Variants in DLX6 observed in about 807,000 individuals in gnomAD.
DLX6 encodes distal-less homeobox 6, also known as homeobox protein DLX-6.
Under a neutral mutation model 33.5 loss-of-function variants are expected in DLX6, and 4 were observed. The ratio of observed to expected loss-of-function variants is 0.12; its 90% CI spans 0.06 to 0.27. The LOEUF is 0.27. Among genes scored for constraint, DLX6 ranks in the 10% least tolerant of loss-of-function variants. The pLI is 1.00. For missense variants in DLX6, 382 were observed against 393.3 expected, an observed-to-expected ratio of 0.97 and a Z score of 0.24; for synonymous variants, 184 against 164.8, an observed-to-expected ratio of 1.12 and a Z score of -0.89.
chr7:97,010,180 C>G lies in DLX6; in HGVS notation c.*133C>G. On this transcript the variant is annotated 3_prime_UTR_variant, in exon 3 of 3. Coordinates refer to ENST00000518156, the MANE Select transcript of DLX6 (RefSeq NM_005222.4). Reference sequence around the variant, plus strand: ...TAAGTGTGGCAAGAAGCCGACTAGGCTCATTCTCTCTCCCTCTCTCTCTCT... The same window carrying G: ...TAAGTGTGGCAAGAAGCCGACTAGGGTCATTCTCTCTCCCTCTCTCTCTCT... 1.0e-6 allele frequency: 1 copy of G among 993,212 alleles called. No individual in the cohort carries two copies. The highest frequency in any genetic ancestry group is 1.4e-6 in the Non-Finnish European group (1 of 697,426). 61.5% of individuals were successfully genotyped at this position (993,212 alleles called of 1,614,324 possible).
rs370659738 is a variant in DLX6 at position 97,010,029 on chromosome 7, G to A, written c.864G>A (p.Gln288=). The A allele has an allele frequency of 4.4e-6, 7 of 1,597,130 alleles. No individual in the cohort carries two copies. The highest frequency in any genetic ancestry group is 6.0e-6 in the Non-Finnish European group (7 of 1,171,506). Residue 288 remains glutamine, a synonymous_variant, in exon 3 of 3, where the codon CAG becomes CAA. Coordinates refer to ENST00000518156, the MANE Select transcript of DLX6 (RefSeq NM_005222.4). ...CCTCTCCACACCAGGACACGATGCA[G>A]AGACCACAGATGATGTGAGTTGCCC... ...WYSSPHQDTM[Q]RPQMM is the part of the protein sequence containing the mutation.
At chr7:97,007,907 A>C (rs1789773100) in intron 2 of DLX6, 76 bp downstream of exon 2, 15 of 1,406,208 alleles carry the variant, frequency 1.1e-5, no homozygotes, top group Non-Finnish European at 1.4e-5. Flanking sequence ...CATCAGGAGG[A>C]ATTGTTGGCC....
chr7:97,009,340 C>T (rs927347125), intron 2 of DLX6, among the ~76,000 whole-genome samples: 3 of 152,102 alleles, frequency 2.0e-5, no homozygotes, highest in South Asian at 2.1e-4. Context: ...TGCATGTACA[C>T]GGAGAAAATG....
At position 97,010,715 on chromosome 7, in the gene DLX6, T is replaced by G. The variant is rs181772483; in HGVS notation, c.*668T>G. 2 of 152,422 alleles carry G rather than the reference T, an allele frequency of 1.3e-5. No individual in the cohort carries two copies. Among genetic ancestry groups the G allele is most frequent in the Admixed American group, 6.5e-5 (1 of 15,276 alleles). 9.4% of individuals were successfully genotyped at this position (152,422 alleles called of 1,614,324 possible). A position where few individuals can be genotyped will look rare whatever the true frequency, so the allele number is the denominator to read the frequency against. On this transcript the variant is annotated 3_prime_UTR_variant, in exon 3 of 3. Coordinates refer to ENST00000518156, the MANE Select transcript of DLX6 (RefSeq NM_005222.4). ...AAAAAGTGGCTGTAAGATTAGAACA[T>G]TGCTACAAAGGGAATGCTGCATGTT...
chr7:97,006,051 GGCAGCAGCAGCA>G lies in DLX6; in HGVS notation c.87_98del (p.Gln41_Gln44del), dbSNP rs530625473. The G allele has an allele frequency of 2.8e-5, 45 of 1,582,050 alleles. No homozygotes were observed. Among genetic ancestry groups the G allele is most frequent in the Middle Eastern group, 1.7e-4 (1 of 6,026 alleles). On this transcript the variant is annotated inframe_deletion, in exon 1 of 3. Transcript: ENST00000518156. Reference sequence around the variant, plus strand: ...TCCAAATCCGCCTTCATGGAGTTCGGGCAGCAGCAGCAGCAGCAGCAGCAACAGCAGCAGCAG... The same window carrying G: ...TCCAAATCCGCCTTCATGGAGTTCGGGCAGCAGCAGCAACAGCAGCAGCAG...
Position 97,009,897 on chromosome 7 carries a change from G to C in DLX6, c.732G>C (p.Leu244=). 6.2e-7 allele frequency: 1 copy of C among 1,613,982 alleles called. No individual in the cohort carries two copies. Among genetic ancestry groups the C allele is most frequent in the Non-Finnish European group, 8.5e-7 (1 of 1,179,870 alleles). Residue 244 remains leucine, a synonymous_variant, in exon 3 of 3, where the codon CTG becomes CTC. Coordinates refer to ENST00000518156, the MANE Select transcript of DLX6 (RefSeq NM_005222.4). ...ESDPLQGSAA[L]SPRSPALPPV... is the part of the protein sequence containing the mutation. ...ACCCCCTCCAGGGCTCGGCGGCCCT[G>C]TCGCCACGCTCGCCAGCGCTGCCTC...
At chr7:97,008,697 C>T (rs1789787378) in intron 2 of DLX6, among the ~76,000 whole-genome samples, 1 of 152,182 alleles carries the variant, frequency 6.6e-6, no homozygotes. Flanking sequence ...AAGTAGGCCT[C>T]ATCTGATGTA....
chr7:97,007,563 C>T (rs1438614215), intron 1 of DLX6, 75 bp from the exon 2 acceptor site: 3 of 1,397,252 alleles, frequency 2.1e-6, no homozygotes, highest in Middle Eastern at 1.8e-4. Context: ...AGACTCGTTG[C>T]ATGCCACGCC....
At position 97,007,417 on chromosome 7, in the gene DLX6, A is replaced by G. The variant is rs373745739; in HGVS notation, c.437-221A>G. On this transcript the variant is annotated intron_variant, in intron 1 of 2. Coordinates refer to ENST00000518156, the MANE Select transcript of DLX6 (RefSeq NM_005222.4). ...AGGGCCTCTGGCGCTCCCTTGGCCC[A>G]GACGCTGCACATTGTTCGGGCCAGG... 1,190 of 612,656 alleles carry G rather than the reference A, an allele frequency of 1.9e-3. 24 individuals are homozygous for G. The South Asian group carries it at 0.022, about 12-fold the overall frequency. 38.0% of individuals were successfully genotyped at this position (612,656 alleles called of 1,614,324 possible). A position where few individuals can be genotyped will look rare whatever the true frequency, so the allele number is the denominator to read the frequency against.
intron 1 of DLX6, 109 bp from the exon 2 acceptor site, chr7:97,007,529 G>A: frequency 9.7e-7 from 1 of 1,032,432 alleles, no homozygotes; most frequent in Non-Finnish European, 1.5e-6. Flanking sequence ...GATTTTTCGA[G>A]GTAACCCTTA....
Position 97,010,240 on chromosome 7 carries a change from C to T in DLX6, c.*193C>T. On this transcript the variant is annotated 3_prime_UTR_variant, in exon 3 of 3. Coordinates refer to ENST00000518156, the MANE Select transcript of DLX6 (RefSeq NM_005222.4). ...CTTTCTTTTTACTTCTTCCTTTCCT[C>T]CATTCCTTCTTTCTTTCCTTTTCCT... is the stretch of plus-strand genomic sequence containing the variant. The T allele has an allele frequency of 3.5e-6, 2 of 573,230 alleles. No individual in the cohort carries two copies. Among genetic ancestry groups the T allele is most frequent in the Non-Finnish European group, 5.9e-6 (2 of 341,826 alleles). The allele number at this position is 573,230 out of a possible 1,614,324, so 35.5% of individuals were successfully genotyped here.
chr7:97,006,287 G>A lies in DLX6; in HGVS notation c.310G>A (p.Gly104Arg). 5.2e-6 allele frequency: 8 copies of A among 1,530,908 alleles called. No individual in the cohort carries two copies. The highest frequency in any genetic ancestry group is 7.0e-6 in the Non-Finnish European group (8 of 1,136,826). The allele number at this position is 1,530,908 out of a possible 1,614,324, so 94.8% of individuals were successfully genotyped here. The change falls in exon 1 of 3, where the codon GGA (glycine) becomes AGA (arginine). Residue 104 changes from glycine to arginine, a missense_variant. Physicochemically the swap from Gly to Arg is moderately radical, Grantham distance 125. Around this residue, in one of 4 missense-constraint regions of DLX6, gnomAD observed 257 missense variants for 206.9 expected, o/e 1.24. Transcript: ENST00000518156. ...HHHGSPYASG[G>R]GNSYNHRSLA... ...CCACGGCTCGCCCTACGCGTCGGGC[G>A]GAGGGAACTCCTACAACCACCGCTC...
At chr7:97,007,320 G>A in intron 1 of DLX6, 1 of 586,198 alleles carries the variant, frequency 1.7e-6, no homozygotes, top group Non-Finnish European at 3.0e-6. Context: ...GACAGCTGCC[G>A]CCTTGCTGCG....
rs530625473 is a variant in DLX6 at position 97,006,051 on chromosome 7, G to GGCAGCAGCAGCAGCAGCAGCA, written c.78_98dup (p.Gln38_Gln44dup). 1.3e-6 allele frequency: 2 copies of GGCAGCAGCAGCAGCAGCAGCA among 1,582,054 alleles called. No homozygotes were observed. Among genetic ancestry groups the GGCAGCAGCAGCAGCAGCAGCA allele is most frequent in the Non-Finnish European group, 8.6e-7 (1 of 1,164,786 alleles). On this transcript the variant is annotated inframe_insertion, in exon 1 of 3. Transcript: ENST00000518156. ...TCCAAATCCGCCTTCATGGAGTTCG[G>GGCAGCAGCAGCAGCAGCAGCA]GCAGCAGCAGCAGCAGCAGCAGCAA...
Position 97,006,352 on chromosome 7 carries a change from C to T in DLX6, c.375C>T (p.Ser125=). 6.7e-7 allele frequency: 1 copy of T among 1,496,280 alleles called. No individual in the cohort carries two copies. The highest frequency in any genetic ancestry group is 8.9e-7 in the Non-Finnish European group (1 of 1,118,070). 92.7% of individuals were successfully genotyped at this position (1,496,280 alleles called of 1,614,324 possible). A position where few individuals can be genotyped will look rare whatever the true frequency, so the allele number is the denominator to read the frequency against. Residue 125 remains serine, a synonymous_variant, in exon 1 of 3, where the codon AGC becomes AGT. Transcript: ENST00000518156. ...CCTACATGAGCCACTCGCAGCACAG[C>T]CCTTACCTCCAGTCCTACCACAACA... ...AYPYMSHSQH[S]PYLQSYHNSS...
intron 2 of DLX6, among the ~76,000 whole-genome samples, chr7:97,008,612 T>A (rs1400032741): frequency 6.6e-6 from 1 of 152,124 alleles, no homozygotes; most frequent in Non-Finnish European, 1.5e-5. Flanking sequence ...CTTAGGTGAG[T>A]ATATTAGGAC....
In DLX6 at chr7:97,006,084, AGC is replaced by A. The variant is rs1789713379; in HGVS notation, c.108_109del (p.Gln37AlafsTer117). ...CAGCAGCAGCAGCAGCAACAGCAGC[AGC>A]AGCAGCAGCAGCAACAGCAACAGCC... On this transcript the variant is annotated frameshift_variant, in exon 1 of 3. Transcript: ENST00000518156. LOFTEE classifies it high-confidence loss of function. 1.3e-6 allele frequency: 2 copies of A among 1,559,930 alleles called. No homozygotes were observed. The highest frequency in any genetic ancestry group is 1.7e-6 in the Non-Finnish European group (2 of 1,153,532).
Position 97,010,006 on chromosome 7 carries a change from T to A in DLX6, c.841T>A (p.Ser281Thr), listed in dbSNP as rs553310103. Residue 281 changes from serine (S) to threonine (T), a missense_variant, in exon 3 of 3, where the codon TCT (serine) becomes ACT (threonine). Ser to Thr is a moderately conservative substitution (Grantham distance 58, BLOSUM62 1). This residue lies in a region of DLX6 where 96 missense variants were observed against 93.3 expected (regional missense o/e 1.03). Transcript: ENST00000518156. ...YMPGYSHWYS[S>T]PHQDTMQRPQ... ...GCCTGGCTATTCTCACTGGTACTCCTCTCCACACCAGGACACGATGCAGAG... is the reference window on the plus strand; with the variant it reads ...GCCTGGCTATTCTCACTGGTACTCCACTCCACACCAGGACACGATGCAGAG... The A allele has an allele frequency of 2.4e-4, 385 of 1,606,822 alleles. 3 individuals are homozygous for A. The South Asian group carries it at 4.1e-3, about 17-fold the overall frequency.
chr7:97,007,639 T>G lies in DLX6; in HGVS notation c.438T>G (p.Asp146Glu). 1 of 1,607,964 alleles carries G rather than the reference T, an allele frequency of 6.2e-7. No individual in the cohort carries two copies. Among genetic ancestry groups the G allele is most frequent in the Non-Finnish European group, 8.5e-7 (1 of 1,177,092 alleles). The change falls in exon 2 of 3, where the codon GAT (aspartate) becomes GAG (glutamate). Residue 146 changes from aspartate to glutamate, a missense_variant and splice_region_variant. Transcript: ENST00000518156. ...AAAQTRGDDT[D>E]QQKTTVIENG... ...CTCCTCTGTATTATTTGCTTACAGA[T>G]CAACAAAAAACTACAGTGATTGAAA... is the stretch of plus-strand genomic sequence containing the variant.
Sources: allele counts gnomAD v4.1 joint callset (sites outside exome capture counted in the v4.1 genomes callset), GRCh38; gene constraint gnomAD v4.1.1; regional missense constraint gnomAD v4.1.1; transcripts MANE v1.5; gene names NCBI Gene and HGNC (gene_info 2026-07-23, HGNC 2026-07-21).